PLEKHH2: variants seen among roughly 807,000 people sequenced by gnomAD.
The protein encoded by PLEKHH2 is pleckstrin homology domain-containing family H member 2.
In PLEKHH2, 129 loss-of-function variants were observed where a neutral mutation model predicts 187.9. The observed-to-expected ratio is 0.69, with a 90% CI of 0.59 to 0.79. The LOEUF (loss-of-function observed/expected upper bound fraction) is 0.79, where lower values mean the gene tolerates loss of function less well. Ranked by LOEUF, PLEKHH2 falls within the 30% of genes least tolerant of loss-of-function variation. The probability of loss-of-function intolerance (pLI) is 0.00; values close to 1 mark genes in which losing one functional copy is unlikely to be tolerated. For missense variants in PLEKHH2, 2,076 were observed against 1,751.2 expected, an observed-to-expected ratio of 1.19 and a Z score of -3.31; for synonymous variants, 686 against 605.6, an observed-to-expected ratio of 1.13 and a Z score of -1.95.
chr2:43,682,248 A>G (rs537220223), intron 3 of PLEKHH2, among the ~76,000 whole-genome samples: 3 of 152,340 alleles, frequency 2.0e-5, no homozygotes, highest in African/African-American at 7.2e-5. Flanking sequence ...AGATTTTTCC[A>G]AATAGCTAAT....
At chr2:43,657,005 G>C (rs1666807240) in intron 2 of PLEKHH2, among the ~76,000 whole-genome samples, 1 of 151,072 alleles carries the variant, frequency 6.6e-6, no homozygotes, top group Admixed American at 6.6e-5. Flanking sequence ...GGCAACAAGA[G>C]CAAAACTCCG....
Position 43,692,537 on chromosome 2 carries a change from A to T in PLEKHH2, c.210A>T (p.Leu70Phe), listed in dbSNP as rs1404630277. The T allele has an allele frequency of 6.3e-7, 1 of 1,578,482 alleles. No individual in the cohort carries two copies. Among genetic ancestry groups the T allele is most frequent in the Non-Finnish European group, 8.7e-7 (1 of 1,152,810 alleles). ...FQQVQVMEDK[L>F]KAANIQTSES... ...AGGTACAAGTTATGGAAGATAAATT[A>T]AAAGCAGCTAATATTCAAACCAGTG... Residue 70 changes from leucine (L) to phenylalanine (F), a missense_variant, in exon 4 of 30, where the codon TTA becomes TTT. Leu to Phe is a conservative substitution (Grantham distance 22). Coordinates refer to ENST00000282406, the MANE Select transcript of PLEKHH2 (RefSeq NM_172069.4).
At chr2:43,644,562 T>G in intron 1 of PLEKHH2, 109 bp from the exon 2 acceptor site, 1 of 861,712 alleles carries the variant, frequency 1.2e-6, no homozygotes, top group Non-Finnish European at 1.7e-6. Flanking sequence ...AGACAGTGAT[T>G]ATAATGTGTA....
At chr2:43,709,487 G>A (rs958502446) in intron 11 of PLEKHH2, among the ~76,000 whole-genome samples, 12 of 152,170 alleles carry the variant, frequency 7.9e-5, no homozygotes, top group African/African-American at 2.9e-4. Flanking sequence ...ATAGCTGTGT[G>A]ATTGTAATCA....
chr2:43,711,070 CA>C (rs1271247379), intron 14 of PLEKHH2: 3 of 986,866 alleles, frequency 3.0e-6, no homozygotes, highest in Non-Finnish European at 2.4e-6. Context: ...ACTGTAGGGG[CA>C]GCTGCTGCCC....
intron 2 of PLEKHH2, among the ~76,000 whole-genome samples, chr2:43,647,419 G>T (rs1343327842): frequency 6.6e-6 from 1 of 152,146 alleles, no homozygotes. Flanking sequence ...AAGCCTGAAG[G>T]CTTAGCTATC....
At chr2:43,648,852 T>C (rs1331485424) in intron 2 of PLEKHH2, among the ~76,000 whole-genome samples, 3 of 152,150 alleles carry the variant, frequency 2.0e-5, no homozygotes, top group Non-Finnish European at 4.4e-5. Context: ...AGTGCTGGGA[T>C]TACAGGCGTG....
chr2:43,674,246 C>G (rs1667620079), intron 2 of PLEKHH2, among the ~76,000 whole-genome samples: 1 of 152,116 alleles, frequency 6.6e-6, no homozygotes, highest in Non-Finnish European at 1.5e-5. Flanking sequence ...ATTTTTTTCA[C>G]TAGCAAAATT....
At chr2:43,666,054 C>A (rs1434690085) in intron 2 of PLEKHH2, among the ~76,000 whole-genome samples, 9 of 149,124 alleles carry the variant, frequency 6.0e-5, no homozygotes, top group Non-Finnish European at 1.2e-4. Context: ...TGGGCAATGG[C>A]GGGCTCCCCT....
At chr2:43,699,497 C>A in intron 7 of PLEKHH2, 150 bp from the exon 8 acceptor site, 1 of 911,050 alleles carries the variant, frequency 1.1e-6, no homozygotes, top group Non-Finnish European at 1.6e-6. Context: ...CCTGCCTCAG[C>A]CTCCCAAGTA....
chr2:43,737,569 A>C (rs1671354444), intron 19 of PLEKHH2, among the ~76,000 whole-genome samples: 1 of 152,162 alleles, frequency 6.6e-6, no homozygotes, highest in African/African-American at 2.4e-5. Flanking sequence ...GGTAGCAGGC[A>C]TCTGAAGATT....
chr2:43,709,960 C>G, intron 11 of PLEKHH2, 30 bp from the exon 12 acceptor site: 2 of 1,584,028 alleles, frequency 1.3e-6, no homozygotes, highest in Non-Finnish European at 1.7e-6. Context: ...GTATTAAATA[C>G]TGACTTGATT....
intron 2 of PLEKHH2, chr2:43,675,063 C>A: frequency 4.8e-6 from 1 of 208,144 alleles, no homozygotes; most frequent in South Asian, 1.7e-4. Context: ...TGTTCTACAC[C>A]TTTATTATCC....
At position 43,667,457 on chromosome 2, in the gene PLEKHH2, A is replaced by G. The variant is rs150488369; in HGVS notation, c.124-11406A>G. On this transcript the variant is annotated intron_variant, in intron 2 of 29. Transcript: ENST00000282406. ...CCTAAATAGATACCTAAGAAAATGGACAAGTCCACACAAAAACTTTTACAT... is the reference window on the plus strand; with the variant it reads ...CCTAAATAGATACCTAAGAAAATGGGCAAGTCCACACAAAAACTTTTACAT... Among the ~76,000 whole-genome samples the G allele has an allele frequency of 8.4e-3, 1,273 of 152,332 alleles. 19 individuals carry two copies. Among genetic ancestry groups the G allele is most frequent in the African/African-American group, 0.029 (1,223 of 41,576 alleles).
chr2:43,729,770 AG>A, intron 18 of PLEKHH2, 25 bp downstream of exon 18: 1 of 1,483,746 alleles, frequency 6.7e-7, no homozygotes, highest in Non-Finnish European at 9.1e-7. Flanking sequence ...ATATAAATAA[AG>A]CTTTATGGTT....
chr2:43,723,177 G>T (rs1437008092), intron 16 of PLEKHH2, among the ~76,000 whole-genome samples: 1 of 152,154 alleles, frequency 6.6e-6, no homozygotes, highest in East Asian at 1.9e-4. Flanking sequence ...AGTATTAATA[G>T]AATTTGTTTT....
rs1667791852 is a variant in PLEKHH2 at position 43,676,384 on chromosome 2, C to G, written c.124-2479C>G. 9.4e-6 allele frequency: 13 copies of G among 1,375,672 alleles called. No individual in the cohort carries two copies. In the Middle Eastern group the frequency reaches 2.3e-3, roughly 239 times the overall value. The allele number at this position is 1,375,672 out of a possible 1,614,324, so 85.2% of individuals were successfully genotyped here. On this transcript the variant is annotated intron_variant, in intron 2 of 29. Coordinates refer to ENST00000282406, the MANE Select transcript of PLEKHH2 (RefSeq NM_172069.4). ...CAGCCTGGGACCGGGTCCTGGGGTC[C>G]CGCGCCTTCCGGAGCTGGCGGCTGC... is the stretch of plus-strand genomic sequence containing the variant.
At chr2:43,750,448 T>A (rs572874911) in intron 24 of PLEKHH2, among the ~76,000 whole-genome samples, 10 of 150,748 alleles carry the variant, frequency 6.6e-5, no homozygotes, top group Non-Finnish European at 1.2e-4. Flanking sequence ...GCCACTGCAC[T>A]CCAGTCTGGG....
intron 15 of PLEKHH2, among the ~76,000 whole-genome samples, chr2:43,719,072 G>C (rs1670348952): frequency 6.6e-6 from 1 of 152,082 alleles, no homozygotes; most frequent in African/African-American, 2.4e-5. Context: ...TTTCTCATTT[G>C]GTTCTCACAA....
Sources: gnomAD v4.1 joint callset for allele counts (sites outside exome capture counted in the v4.1 genomes callset) on GRCh38, gnomAD v4.1.1 for gene constraint, MANE v1.5 for transcripts, NCBI Gene and HGNC (gene_info 2026-07-23, HGNC 2026-07-21) for gene names.